The following ZNF157 variants were observed in gnomAD, a reference collection of about 807,000 sequenced individuals.
ZNF157 encodes zinc finger protein 157.
ZNF157 carries 8 observed loss-of-function variants against 9.4 expected under a neutral mutation model. The observed-to-expected ratio is 0.85, with a 90% CI of 0.50 to 1.53. ZNF157 has a LOEUF of 1.53. Ranked by LOEUF, ZNF157 falls within the 40% of genes most tolerant of loss-of-function variation. The probability of loss-of-function intolerance (pLI) is 0.00; values close to 1 mark genes in which losing one functional copy is unlikely to be tolerated. For missense variants in ZNF157, 316 were observed against 385.2 expected, an observed-to-expected ratio of 0.82 and a Z score of 1.50; for synonymous variants, 120 against 130.8, an observed-to-expected ratio of 0.92 and a Z score of 0.56.
At chrX:47,402,493 T>C (rs1195529125) in intron 1 of ZNF157, among the ~76,000 whole-genome samples, 1 of 110,900 alleles carries the variant, frequency 9.0e-6, no homozygotes, top group Non-Finnish European at 1.9e-5. Context: ...TTTCGGCTTA[T>C]ATAGGCTGTT....
In ZNF157 at chrX:47,412,763, G is replaced by A. The variant is rs950330657; in HGVS notation, c.690G>A (p.Lys230=). The change falls in exon 4 of 4, where the codon AAG becomes AAA. Residue 230 remains lysine (K), a synonymous_variant. Transcript: ENST00000377073. ...AATGTGGGAAATCTTTTGGCAGGAA[G>A]TCACAACTCATCCTACATACAAGAA... ...CNECGKSFGR[K]SQLILHTRTH... is the part of the protein sequence containing the mutation. The A allele has an allele frequency of 4.1e-6, 5 of 1,211,584 alleles. No homozygotes were observed. Among genetic ancestry groups the A allele is most frequent in the Admixed American group, 4.4e-5 (2 of 45,969 alleles).
At chrX:47,401,895 A>G (rs1569259905) in intron 1 of ZNF157, among the ~76,000 whole-genome samples, 1 of 109,745 alleles carries the variant, frequency 9.1e-6, no homozygotes, top group African/African-American at 3.3e-5. Flanking sequence ...GTGTGCCATC[A>G]CACCCACTAA....
At chrX:47,395,937 G>A (rs2055911787) in intron 1 of ZNF157, among the ~76,000 whole-genome samples, 2 of 111,629 alleles carry the variant, frequency 1.8e-5, no homozygotes, top group Non-Finnish European at 3.8e-5. Flanking sequence ...CTGCACTCCA[G>A]CCTGGGTGAG....
chrX:47,405,966 A>G (rs1280297898), intron 1 of ZNF157, among the ~76,000 whole-genome samples: 3 of 108,946 alleles, frequency 2.8e-5, no homozygotes, highest in East Asian at 2.9e-4. Context: ...CACAAGCAGT[A>G]TACCCAATGT....
Position 47,385,484 on chromosome X carries a change from A to G in ZNF157, c.72+14744A>G, listed in dbSNP as rs141691569. Among the ~76,000 whole-genome samples the G allele has an allele frequency of 8.5e-4, 94 of 110,085 alleles. 1 individual carries two copies. The highest frequency in any genetic ancestry group is 4.7e-3 in the Middle Eastern group (1 of 213). On this transcript the variant is annotated intron_variant, in intron 1 of 3. Coordinates refer to ENST00000377073, the MANE Select transcript of ZNF157 (RefSeq NM_003446.4). ...GAGCACACCCTTCCTAGGTGAAATG[A>G]TAGAAAGAATAACAAACTCTTGAGT...
intron 1 of ZNF157, among the ~76,000 whole-genome samples, chrX:47,375,414 C>T (rs1371926036): frequency 9.0e-6 from 1 of 110,602 alleles, no homozygotes; most frequent in African/African-American, 3.3e-5. Flanking sequence ...ACAACTGGTG[C>T]AGTTTTCCCT....
chrX:47,401,749 T>G (rs975704125), intron 1 of ZNF157, among the ~76,000 whole-genome samples: 1 of 111,823 alleles, frequency 8.9e-6, no homozygotes, highest in East Asian at 2.8e-4. Flanking sequence ...CTTCAGTTTT[T>G]TGTTTTTTGA....
At chrX:47,406,410 G>GTC (rs760625110) in intron 1 of ZNF157, among the ~76,000 whole-genome samples, 2 of 109,229 alleles carry the variant, frequency 1.8e-5, no homozygotes, top group East Asian at 5.7e-4. Flanking sequence ...GTCTCACTCT[G>GTC]TCACCCAGAC....
chrX:47,412,987 G>A lies in ZNF157; in HGVS notation c.914G>A (p.Gly305Glu). The A allele has an allele frequency of 1.7e-6, 2 of 1,210,074 alleles. No individual in the cohort carries two copies. The highest frequency in any genetic ancestry group is 2.2e-6 in the Non-Finnish European group (2 of 894,670). Residue 305 changes from glycine to glutamate, a missense_variant, in exon 4 of 4, where the codon GGG (glycine) becomes GAG (glutamate). Physicochemically the swap from Gly to Glu is moderately conservative, Grantham distance 98. Coordinates refer to ENST00000377073, the MANE Select transcript of ZNF157 (RefSeq NM_003446.4). ...THTGEKPYECGECGKNFRAKK... is the reference protein window; with the variant it reads ...THTGEKPYECEECGKNFRAKK... ...ACAGGGGAGAAACCTTATGAATGTG[G>A]GGAGTGTGGGAAAAACTTCCGTGCA... is the stretch of plus-strand genomic sequence containing the variant.
intron 1 of ZNF157, among the ~76,000 whole-genome samples, chrX:47,378,578 C>T (rs762173748): frequency 6.2e-5 from 7 of 112,039 alleles, no homozygotes; most frequent in Non-Finnish European, 1.1e-4. Flanking sequence ...CGCGGTGGCT[C>T]ATGCCTGTAA....
chrX:47,404,432 T>G (rs930235084), intron 1 of ZNF157, among the ~76,000 whole-genome samples: 1 of 110,271 alleles, frequency 9.1e-6, no homozygotes, highest in Non-Finnish European at 1.9e-5. Flanking sequence ...CCCAAAATGC[T>G]GGGATTACAG....
At chrX:47,374,702 C>CTTTTTTTT (rs869212909) in intron 1 of ZNF157, among the ~76,000 whole-genome samples, 2 of 56,673 alleles carry the variant, frequency 3.5e-5, no homozygotes, top group Non-Finnish European at 5.9e-5. Flanking sequence ...GCCCAGCAAT[C>CTTTTTTTT]TTTTTTTTTT....
chrX:47,380,987 AAG>A (rs1265492812), intron 1 of ZNF157, among the ~76,000 whole-genome samples: 2 of 93,011 alleles, frequency 2.2e-5, no homozygotes, highest in African/African-American at 4.1e-5. Context: ...GAGGAGGAGA[AAG>A]AGAAGGAGGA....
At chrX:47,408,962 C>T (rs1166391778) in intron 1 of ZNF157, among the ~76,000 whole-genome samples, 1 of 111,983 alleles carries the variant, frequency 8.9e-6, no homozygotes, top group Non-Finnish European at 1.9e-5. Context: ...CAGGAATTTA[C>T]TCTGCAACCT....
chrX:47,403,676 C>CA (rs1399434101), intron 1 of ZNF157, among the ~76,000 whole-genome samples: 1 of 111,147 alleles, frequency 9.0e-6, no homozygotes, highest in Non-Finnish European at 1.9e-5. Context: ...AAAGTTATAT[C>CA]AAGAACCAGG....
At chrX:47,401,170 G>A (rs182562038) in intron 1 of ZNF157, among the ~76,000 whole-genome samples, 1 of 112,008 alleles carries the variant, frequency 8.9e-6, no homozygotes, top group East Asian at 2.8e-4. Context: ...ACATCACCTA[G>A]GACATTATGG....
chrX:47,385,378 G>A (rs1392205207), intron 1 of ZNF157, among the ~76,000 whole-genome samples: 1 of 111,378 alleles, frequency 9.0e-6, no homozygotes, highest in Non-Finnish European at 1.9e-5. Flanking sequence ...AGCATGAAGA[G>A]AGAAATTCCC....
intron 1 of ZNF157, among the ~76,000 whole-genome samples, chrX:47,389,602 A>T (rs1316215880): frequency 8.9e-6 from 1 of 111,868 alleles, no homozygotes; most frequent in Non-Finnish European, 1.9e-5. Context: ...GTAAGATTTT[A>T]AAAACTACAG....
At chrX:47,407,176 C>G (rs1351039822) in intron 1 of ZNF157, among the ~76,000 whole-genome samples, 3 of 112,415 alleles carry the variant, frequency 2.7e-5, no homozygotes, top group Admixed American at 9.5e-5. Flanking sequence ...CAGCCAGCCT[C>G]ACGTTCTCTG....
Sources: gnomAD v4.1 joint callset for allele counts (sites outside exome capture counted in the v4.1 genomes callset) on GRCh38, gnomAD v4.1.1 for gene constraint, MANE v1.5 for transcripts, NCBI Gene and HGNC (gene_info 2026-07-23, HGNC 2026-07-21) for gene names.